SLAMF9: variants seen among roughly 807,000 people sequenced by gnomAD.
SLAMF9 encodes the protein SLAM family member 9.
In SLAMF9, 25 loss-of-function variants were observed where a neutral mutation model predicts 30.4. The observed-to-expected ratio is 0.82, with a 90% CI of 0.60 to 1.15. The LOEUF is 1.15. Ranked by LOEUF, SLAMF9 falls within the 50% of genes most tolerant of loss-of-function variation. The probability of loss-of-function intolerance (pLI) is 0.00; values close to 1 mark genes in which losing one functional copy is unlikely to be tolerated. For synonymous variants in SLAMF9, 129 were observed against 127.2 expected (o/e 1.01, Z -0.09); for missense variants, 344 against 346.1 (o/e 0.99, Z 0.05).
chr1:159,964,930 C>T, the SLAMF9 span, among the ~76,000 whole-genome samples: 60 of 152,282 alleles, frequency 3.9e-4, 1 homozygote, highest in African/African-American at 1.1e-3. Context: ...GCCACCCAGA[C>T]GGGTCTGCAC....
the SLAMF9 span, chr1:159,973,381 G>A: frequency 1.9e-6 from 1 of 525,748 alleles, no homozygotes; most frequent in East Asian, 3.1e-5. Context: ...CTGCAGCCCG[G>A]GAACCCCAAC....
chr1:159,953,935 C>T (rs560330943), intron 1 of SLAMF9, among the ~76,000 whole-genome samples, 157 bp downstream of exon 1: 2 of 152,290 alleles, frequency 1.3e-5, no homozygotes, highest in African/African-American at 2.4e-5. Flanking sequence ...AGGTGTCTCT[C>T]GGTCCTGCCC....
At chr1:159,955,401 T>C (rs1651902084), upstream of SLAMF9, among the ~76,000 whole-genome samples, 1 of 152,238 alleles carries the variant, frequency 6.6e-6, no homozygotes, top group African/African-American at 2.4e-5. Context: ...GGATAATCTT[T>C]AAGTTTCTTC....
At chr1:159,976,311 CTGTATGGAATGAGCCCAAGATAAAG>C in the SLAMF9 span, among the ~76,000 whole-genome samples, 19 of 152,018 alleles carry the variant, frequency 1.2e-4, no homozygotes, top group Non-Finnish European at 2.6e-4. Flanking sequence ...CCATAAATAC[CTGTATGGAATGAGCCCAAGATAAAG>C]TGTTAGTGAA....
At chr1:159,964,320 C>T in the SLAMF9 span, among the ~76,000 whole-genome samples, 1 of 152,032 alleles carries the variant, frequency 6.6e-6, no homozygotes, top group Non-Finnish European at 1.5e-5. Context: ...AGCCATGAAA[C>T]AACACTCTGC....
the SLAMF9 span, chr1:159,983,817 A>G: frequency 1.3e-4 from 20 of 152,404 alleles, no homozygotes; most frequent in African/African-American, 4.3e-4. Flanking sequence ...ATGCGAAGCA[A>G]AAGGCAGGGA....
chr1:159,978,738 C>CG, the SLAMF9 span: 2 of 152,260 alleles, frequency 1.3e-5, no homozygotes, highest in Non-Finnish European at 2.9e-5. Context: ...AATGGAACCT[C>CG]AAGTCTATGC....
chr1:159,974,278 C>A, the SLAMF9 span, among the ~76,000 whole-genome samples: 1 of 152,206 alleles, frequency 6.6e-6, no homozygotes, highest in African/African-American at 2.4e-5. Flanking sequence ...TCTCCTTCCT[C>A]TTCTCTTCCC....
Position 159,952,400 on chromosome 1 carries a change from T to C in SLAMF9, c.526A>G (p.Thr176Ala), listed in dbSNP as rs765757379. 6.8e-6 allele frequency: 11 copies of C among 1,614,044 alleles called. No homozygotes were observed. Among genetic ancestry groups the C allele is most frequent in the East Asian group, 4.5e-5 (2 of 44,876 alleles). The stretch of plus-strand genomic sequence containing the variant: ...ACAGGGCCTTCATGGAATGTATAAG[T>C]GCTATCCCCCCGGGAGAGCCAGCTG... Reference protein sequence around the residue: ...TYSWLSRGDSTYTFHEGPVLS... With the variant: ...TYSWLSRGDSAYTFHEGPVLS... The change falls in exon 3 of 4, where the codon ACT becomes GCT. Residue 176 changes from threonine (T) to alanine (A), a missense_variant. Transcript: ENST00000368093.
Position 159,954,195 on chromosome 1 carries a change from A to G in SLAMF9, c.-58T>C, listed in dbSNP as rs766072247. 1.9e-6 allele frequency: 3 copies of G among 1,597,200 alleles called. No individual in the cohort carries two copies. Among genetic ancestry groups the G allele is most frequent in the Non-Finnish European group, 1.7e-6 (2 of 1,165,948 alleles). On this transcript the variant is annotated 5_prime_UTR_variant, in exon 1 of 4. Transcript: ENST00000368093. ...AGTCAGTCAGTCCCCAGGACTGTGC[A>G]GAAGACTGCATTAGGAGGCTCCTAG...
chr1:159,976,978 G>GAAAGAAAGAAAGAAAT, the SLAMF9 span: 1 of 43,232 alleles, frequency 2.3e-5, no homozygotes, highest in African/African-American at 4.5e-5. Context: ...AAGAAGGAAA[G>GAAAGAAAGAAAGAAAT]AAGGAAAGAA....
chr1:159,958,064 T>C (rs1367009263), upstream of SLAMF9, among the ~76,000 whole-genome samples: 8 of 152,162 alleles, frequency 5.3e-5, no homozygotes, highest in Non-Finnish European at 7.4e-5. Flanking sequence ...AGAGAAGGCC[T>C]GTGGTGGGCA....
intron 2 of SLAMF9, 77 bp downstream of exon 2, chr1:159,953,232 T>C: frequency 8.0e-7 from 1 of 1,250,436 alleles, no homozygotes; most frequent in South Asian, 1.4e-5. Flanking sequence ...CCCCAAGTCC[T>C]GAGACGCCCA....
the SLAMF9 span, among the ~76,000 whole-genome samples, chr1:159,977,728 G>A: frequency 6.6e-6 from 1 of 152,164 alleles, no homozygotes; most frequent in African/African-American, 2.4e-5. Flanking sequence ...GTGCAGACAG[G>A]CACAGAAGCC....
chr1:159,977,037 G>A, the SLAMF9 span: 1 of 152,246 alleles, frequency 6.6e-6, no homozygotes, highest in East Asian at 1.9e-4. Flanking sequence ...TGTAGCTAGG[G>A]GGAGAGTAGG....
the SLAMF9 span, among the ~76,000 whole-genome samples, chr1:159,970,933 G>C: frequency 1.3e-5 from 2 of 152,150 alleles, no homozygotes; most frequent in Admixed American, 1.3e-4. Flanking sequence ...CAGAGTCCAG[G>C]GAAGTACTAA....
upstream of SLAMF9, among the ~76,000 whole-genome samples, chr1:159,956,018 ATGAAATCAGTATGTTAATGAGGTATC>A (rs1436875964): frequency 6.6e-6 from 1 of 152,248 alleles, no homozygotes; most frequent in Non-Finnish European, 1.5e-5. Flanking sequence ...TCCAAAGGAA[ATGAAATCAGTATGTTAATGAGGTATC>A]TGCACTCCAC....
chr1:159,976,423 T>G, the SLAMF9 span, among the ~76,000 whole-genome samples: 1 of 152,182 alleles, frequency 6.6e-6, no homozygotes, highest in African/African-American at 2.4e-5. Context: ...TGCATACATA[T>G]TCACACACAT....
the SLAMF9 span, among the ~76,000 whole-genome samples, chr1:159,966,139 G>A: frequency 6.6e-6 from 1 of 152,060 alleles, no homozygotes; most frequent in African/African-American, 2.4e-5. Context: ...CACTGCCTCT[G>A]GGATCCATTA....
Sources: allele counts gnomAD v4.1 joint callset (sites outside exome capture counted in the v4.1 genomes callset), GRCh38; gene constraint gnomAD v4.1.1; transcripts MANE v1.5; gene names NCBI Gene and HGNC (gene_info 2026-07-23, HGNC 2026-07-21).